PCDH7: variants seen among roughly 807,000 people sequenced by gnomAD.
PCDH7 encodes the protein protocadherin-7.
Under a neutral mutation model 58.9 loss-of-function variants are expected in PCDH7, and 17 were observed. That is an observed-to-expected ratio of 0.29 (90% CI 0.20 to 0.43). PCDH7 has a LOEUF of 0.43. Among genes scored for constraint, PCDH7 ranks in the 20% least tolerant of loss-of-function variants. PCDH7 has a pLI of 1.00. For synonymous variants in PCDH7, 664 were observed against 616.4 expected (o/e 1.08, Z -1.14); for missense variants, 1,274 against 1,441.0 (o/e 0.88, Z 1.88).
Position 31,089,433 on chromosome 4 carries a change from T to A in PCDH7, c.*8-53040T>A, listed in dbSNP as rs1408842449. ...CAAGAAAATTTTTTTCTTATTTTTT[T>A]AATTTTTCTTGGCATTACTTTTGTG... On this transcript the variant is annotated intron_variant, in intron 3 of 3. Transcript: ENST00000509759. Among the ~76,000 whole-genome samples, 7 of 152,210 alleles carry A rather than the reference T, an allele frequency of 4.6e-5. No individual in the cohort carries two copies. In the East Asian group the frequency reaches 5.8e-4, roughly 13 times the overall value.
intron 2 of PCDH7, among the ~76,000 whole-genome samples, chr4:30,942,877 A>T (rs553178589): frequency 6.8e-6 from 1 of 146,250 alleles, no homozygotes; most frequent in East Asian, 2.0e-4. Context: ...AGGTAGGTTA[A>T]ATTTCTGTCT....
intron 3 of PCDH7, among the ~76,000 whole-genome samples, chr4:31,006,634 T>C (rs1381869746): frequency 1.3e-5 from 2 of 152,192 alleles, no homozygotes; most frequent in Non-Finnish European, 2.9e-5. Context: ...GGCTCATGCC[T>C]GTAATCCCAG....
intron 1 of PCDH7, among the ~76,000 whole-genome samples, chr4:30,900,800 G>C (rs6827169): frequency 0.036 from 5,516 of 152,136 alleles, 330 homozygotes; most frequent in African/African-American, 0.13. Context: ...CTTAAAGAAG[G>C]AACTTGCATT....
intron 1 of PCDH7, among the ~76,000 whole-genome samples, chr4:30,860,657 C>T (rs554026087): frequency 2.6e-5 from 4 of 152,016 alleles, no homozygotes; most frequent in Admixed American, 6.6e-5. Context: ...CGAAAAACAG[C>T]GTCATCTGCC....
chr4:30,816,966 T>A (rs1423461138), intron 1 of PCDH7, among the ~76,000 whole-genome samples: 1 of 152,132 alleles, frequency 6.6e-6, no homozygotes, highest in Non-Finnish European at 1.5e-5. Context: ...CTTGCATCAC[T>A]TTGCCAGAAA....
intron 1 of PCDH7, among the ~76,000 whole-genome samples, chr4:30,838,270 G>A (rs1298861053): frequency 1.3e-5 from 2 of 152,038 alleles, no homozygotes; most frequent in Non-Finnish European, 2.9e-5. Context: ...GAAACCATAG[G>A]CATGTGGTTC....
chr4:31,023,375 T>C (rs1328970665), intron 3 of PCDH7, among the ~76,000 whole-genome samples: 1 of 152,194 alleles, frequency 6.6e-6, no homozygotes, highest in Non-Finnish European at 1.5e-5. Context: ...TGTCCTGACA[T>C]CTAAAGCTTC....
chr4:30,905,449 T>C (rs777315293), intron 1 of PCDH7, among the ~76,000 whole-genome samples: 15 of 139,022 alleles, frequency 1.1e-4, no homozygotes, highest in Non-Finnish European at 1.5e-4. Flanking sequence ...TTGATGATTA[T>C]CACAATGAGA....
intron 3 of PCDH7, among the ~76,000 whole-genome samples, chr4:31,072,952 T>C (rs1357111871): frequency 2.6e-5 from 4 of 152,198 alleles, no homozygotes; most frequent in Admixed American, 6.5e-5. Flanking sequence ...AATTCTCAAG[T>C]TGGAGCTTTC....
At chr4:30,828,196 A>G (rs1211339380) in intron 1 of PCDH7, among the ~76,000 whole-genome samples, 1 of 152,064 alleles carries the variant, frequency 6.6e-6, no homozygotes, top group East Asian at 1.9e-4. Flanking sequence ...GTTGATGTAT[A>G]AAAAGTATTT....
At chr4:31,130,412 G>A (rs1718831922) in intron 3 of PCDH7, among the ~76,000 whole-genome samples, 1 of 152,082 alleles carries the variant, frequency 6.6e-6, no homozygotes, top group South Asian at 2.1e-4. Context: ...GACTCAATGG[G>A]AAATAAAAAT....
At chr4:31,066,527 A>G (rs890210490) in intron 3 of PCDH7, among the ~76,000 whole-genome samples, 1 of 151,880 alleles carries the variant, frequency 6.6e-6, no homozygotes, top group Non-Finnish European at 1.5e-5. Flanking sequence ...TAATTAGCCA[A>G]CCTCACTGAC....
intron 3 of PCDH7, among the ~76,000 whole-genome samples, chr4:31,068,366 C>G (rs558647322): frequency 1.1e-3 from 165 of 151,784 alleles, no homozygotes; most frequent in African/African-American, 4.0e-3. Flanking sequence ...TCGCATTCAG[C>G]TAACACATTG....
chr4:30,725,624 A>G (rs757651463), intron 1 of PCDH7, among the ~76,000 whole-genome samples: 3 of 152,104 alleles, frequency 2.0e-5, no homozygotes, highest in South Asian at 4.1e-4. Flanking sequence ...TTTGGAAAGG[A>G]CTGTGTCTCA....
chr4:31,080,793 A>G (rs1759436423), intron 3 of PCDH7, among the ~76,000 whole-genome samples: 1 of 152,152 alleles, frequency 6.6e-6, no homozygotes, highest in African/African-American at 2.4e-5. Context: ...TCTCATCTTG[A>G]ATTGTAGCTC....
downstream of PCDH7, chr4:31,146,781 T>C (rs1720710157): frequency 6.6e-6 from 1 of 152,176 alleles, no homozygotes; most frequent in Admixed American, 6.6e-5. Flanking sequence ...CAAATTAAAA[T>C]ATAACATGGT....
chr4:31,081,504 G>T (rs1280163468), intron 3 of PCDH7, among the ~76,000 whole-genome samples: 1 of 151,906 alleles, frequency 6.6e-6, no homozygotes, highest in Non-Finnish European at 1.5e-5. Context: ...AAATTTATTT[G>T]CTTACAACTT....
At chr4:30,888,287 C>CACAT (rs551704841) in intron 1 of PCDH7, among the ~76,000 whole-genome samples, 178 of 152,176 alleles carry the variant, frequency 1.2e-3, no homozygotes, top group African/African-American at 4.1e-3. Context: ...AACACACACA[C>CACAT]ACATACACAC....
intron 3 of PCDH7, among the ~76,000 whole-genome samples, chr4:31,142,038 A>T (rs1174387152): frequency 6.6e-6 from 1 of 152,200 alleles, no homozygotes; most frequent in African/African-American, 2.4e-5. Context: ...AAGAAATCCA[A>T]TTGGCAAAAG....
Sources: gnomAD v4.1 joint callset for allele counts (sites outside exome capture counted in the v4.1 genomes callset) on GRCh38, gnomAD v4.1.1 for gene constraint, MANE v1.5 for transcripts, NCBI Gene and HGNC (gene_info 2026-07-23, HGNC 2026-07-21) for gene names.